The following HAUS7 variants were observed in gnomAD, a reference collection of about 807,000 sequenced individuals.
HAUS7 encodes the protein HAUS augmin like complex subunit 7.
Under a neutral mutation model 28.4 loss-of-function variants are expected in HAUS7, and 3 were observed. The observed-to-expected ratio is 0.11, with a 90% CI of 0.05 to 0.27. The LOEUF (loss-of-function observed/expected upper bound fraction) is 0.27, where lower values mean the gene tolerates loss of function less well. HAUS7 is among the 10% of genes least tolerant of loss of function. The pLI is 1.00. For missense variants in HAUS7, 284 were observed against 297.3 expected (o/e 0.96, Z 0.33); for synonymous variants, 165 against 132.1 (o/e 1.25, Z -1.71).
intron 1 of HAUS7, among the ~76,000 whole-genome samples, chrX:153,490,033 G>A (rs1286945161): frequency 8.9e-6 from 1 of 112,834 alleles, no homozygotes; most frequent in Non-Finnish European, 1.9e-5. Context: ...AGATTGCTCC[G>A]AGCTGAAGTC....
upstream of HAUS7, chrX:153,470,996 C>G (rs1255999189): frequency 1.5e-5 from 5 of 330,680 alleles, no homozygotes; most frequent in Non-Finnish European, 2.9e-5. Flanking sequence ...GGGGGCGCTC[C>G]TGCCTTGGTC....
chrX:153,486,540 G>A (rs947045524), intron 1 of HAUS7: 1 of 729,827 alleles, frequency 1.4e-6, no homozygotes, highest in Non-Finnish European at 1.9e-6. Context: ...GCTTCTCTCA[G>A]GGCAGGGGTC....
intron 1 of HAUS7, among the ~76,000 whole-genome samples, chrX:153,476,845 T>C (rs782071785): frequency 1.9e-3 from 208 of 110,337 alleles, no homozygotes; most frequent in Non-Finnish European, 3.2e-3. Context: ...TACTGTTGGC[T>C]TGGGGCCTGC....
At chrX:153,487,154 G>A (rs1401825605) in intron 1 of HAUS7, 4 of 210,326 alleles carry the variant, frequency 1.9e-5, no homozygotes, top group African/African-American at 1.2e-4. Context: ...CAGAGGGCTT[G>A]GGTCCCACAG....
At chrX:153,465,560 G>A (rs2089445634) in intron 2 of HAUS7, among the ~76,000 whole-genome samples, 1 of 112,307 alleles carries the variant, frequency 8.9e-6, no homozygotes, top group Admixed American at 9.4e-5. Flanking sequence ...GGCTCCTGCC[G>A]CAACAGAGTC....
intron 3 of HAUS7, among the ~76,000 whole-genome samples, chrX:153,464,134 T>C (rs1332127720): frequency 8.9e-6 from 1 of 112,703 alleles, no homozygotes; most frequent in Non-Finnish European, 1.9e-5. Context: ...ACACTCAGTA[T>C]ATTCCCATGA....
At chrX:153,462,942 C>A in intron 3 of HAUS7, 1 of 437,938 alleles carries the variant, frequency 2.3e-6, no homozygotes. Flanking sequence ...AAGCCAGCAG[C>A]TGCCTGAGGA....
chrX:153,457,292 C>G, intron 4 of HAUS7, 64 bp from the exon 5 acceptor site: 1 of 751,925 alleles, frequency 1.3e-6, no homozygotes, highest in Non-Finnish European at 2.1e-6. Context: ...CCAGCTGTCC[C>G]CAGTGCCCCT....
At chrX:153,489,471 C>T (rs2089658702) in intron 1 of HAUS7, among the ~76,000 whole-genome samples, 1 of 112,849 alleles carries the variant, frequency 8.9e-6, no homozygotes, top group South Asian at 3.6e-4. Context: ...AAATGCTGGG[C>T]ATCTGAGGGG....
chrX:153,491,235 G>C (rs1350306255), intron 1 of HAUS7, among the ~76,000 whole-genome samples: 3 of 111,708 alleles, frequency 2.7e-5, no homozygotes, highest in African/African-American at 9.8e-5. Flanking sequence ...CACCTCCCAG[G>C]CTCCTAGGCT....
chrX:153,473,645 C>T (rs931314440), upstream of HAUS7, among the ~76,000 whole-genome samples: 4 of 112,841 alleles, frequency 3.5e-5, no homozygotes, highest in African/African-American at 9.7e-5. Context: ...CACACCCATG[C>T]GAGAAGCAAG....
intron 4 of HAUS7, among the ~76,000 whole-genome samples, chrX:153,459,104 A>C (rs1478636528): frequency 8.9e-6 from 1 of 111,970 alleles, no homozygotes; most frequent in African/African-American, 3.3e-5. Flanking sequence ...GTGAAGTGGC[A>C]TCTCATGATG....
At chrX:153,483,590 G>A (rs1435897604) in intron 1 of HAUS7, 8 of 455,262 alleles carry the variant, frequency 1.8e-5, no homozygotes, top group Non-Finnish European at 2.2e-5. Flanking sequence ...GGAGGCAGGG[G>A]GCTCCAGGGG....
intron 1 of HAUS7, among the ~76,000 whole-genome samples, chrX:153,491,683 G>A (rs1168712113): frequency 8.8e-6 from 1 of 113,252 alleles, no homozygotes; most frequent in Non-Finnish European, 1.9e-5. Context: ...GGAGACCACA[G>A]TGTGGCCTGG....
At chrX:153,484,760 G>T (rs1054843395) in intron 1 of HAUS7, among the ~76,000 whole-genome samples, 12 of 113,124 alleles carry the variant, frequency 1.1e-4, no homozygotes, top group African/African-American at 3.8e-4. Context: ...GGGAGGGGCT[G>T]CCCGGCCGCT....
At chrX:153,491,182 G>A (rs1256083017) in intron 1 of HAUS7, among the ~76,000 whole-genome samples, 1 of 111,651 alleles carries the variant, frequency 9.0e-6, no homozygotes, top group Non-Finnish European at 1.9e-5. Context: ...GAGAATCATG[G>A]AACAAGCAGC....
chrX:153,479,286 C>G, intron 1 of HAUS7: 3 of 728,134 alleles, frequency 4.1e-6, no homozygotes, highest in Non-Finnish European at 4.9e-6. Flanking sequence ...TGCTCCCCAT[C>G]CTGGCACTGT....
chrX:153,486,993 G>T, intron 1 of HAUS7: 1 of 307,386 alleles, frequency 3.3e-6, no homozygotes, highest in Non-Finnish European at 5.6e-6. Context: ...AGGGGCGAAA[G>T]GTGGCACTGG....
chrX:153,470,426 A>G (rs1556984957), intron 1 of HAUS7, 24 bp downstream of exon 1: 1 of 1,199,122 alleles, frequency 8.3e-7, no homozygotes, highest in Middle Eastern at 2.4e-4. Context: ...CCCGCCCTGG[A>G]GTGGCTTTCT....
Sources: allele counts gnomAD v4.1 joint callset (sites outside exome capture counted in the v4.1 genomes callset), GRCh38; gene constraint gnomAD v4.1.1; transcripts MANE v1.5; gene names NCBI Gene and HGNC (gene_info 2026-07-23, HGNC 2026-07-21).